Variants in SOX13 observed in about 807,000 individuals in gnomAD.
SOX13 encodes transcription factor SOX-13.
In SOX13, 28 loss-of-function variants were observed where a neutral mutation model predicts 71.8. The observed-to-expected ratio is 0.39, with a 90% confidence interval of 0.29 to 0.53. The LOEUF (loss-of-function observed/expected upper bound fraction) is 0.53, where lower values mean the gene tolerates loss of function less well. Among genes scored for constraint, SOX13 ranks in the 20% least tolerant of loss-of-function variants. SOX13 has a pLI of 0.70. For synonymous variants in SOX13, 309 were observed against 317.8 expected (o/e 0.97, Z 0.29); for missense variants, 627 against 810.3 (o/e 0.77, Z 2.75).
At chr1:204,099,891 C>T (rs1231106834) in intron 1 of SOX13, among the ~76,000 whole-genome samples, 2 of 152,174 alleles carry the variant, frequency 1.3e-5, no homozygotes, top group Non-Finnish European at 1.5e-5. Flanking sequence ...CCTATAACCT[C>T]AGCATTTTGG....
At chr1:204,101,887 T>G (rs958392829) in intron 1 of SOX13, among the ~76,000 whole-genome samples, 7 of 152,234 alleles carry the variant, frequency 4.6e-5, no homozygotes, top group African/African-American at 1.7e-4. Flanking sequence ...GGCACTGGGC[T>G]TTGCCTGTGT....
intron 1 of SOX13, among the ~76,000 whole-genome samples, chr1:204,084,806 A>G (rs901547119): frequency 1.4e-5 from 2 of 145,742 alleles, no homozygotes; most frequent in African/African-American, 5.1e-5. Context: ...TTGTTGCTTG[A>G]GACAGAGGTG....
rs372772226 is a variant in SOX13, at chr1:204,114,620, G to C, written c.418+15G>C. 7 of 1,592,754 alleles carry C rather than the reference G, an allele frequency of 4.4e-6. No homozygotes were observed. Among genetic ancestry groups the C allele is most frequent in the African/African-American group, 4.0e-5 (3 of 74,468 alleles). On this transcript the variant is annotated intron_variant, in intron 4 of 13. Transcript: ENST00000367204. Reference sequence around the variant, plus strand: ...AGATGTCAAAGGTGAAGGCCTGTTGGGGGTGGGGGAGATGTTTGAACCCCA... The same window carrying C: ...AGATGTCAAAGGTGAAGGCCTGTTGCGGGTGGGGGAGATGTTTGAACCCCA...
In SOX13 at chr1:204,121,951, G is replaced by T; in HGVS notation, c.827G>T (p.Arg276Met). The part of the protein sequence containing the change: ...LHSPPAPVVK[R>M]PGAMATHHPL... Reference sequence around the variant, plus strand: ...AGCCCCCCTGCCCCAGTGGTGAAGAGGCCTGGGGCCATGGCCACCCACCAC... The same window carrying T: ...AGCCCCCCTGCCCCAGTGGTGAAGATGCCTGGGGCCATGGCCACCCACCAC... The change falls in exon 8 of 14, where the codon AGG (arginine) becomes ATG (methionine). Residue 276 changes from arginine (R) to methionine (M), a missense_variant. By Grantham distance (91) the Arg-to-Met change is moderately conservative. Transcript: ENST00000367204. 6.2e-7 allele frequency: 1 copy of T among 1,611,940 alleles called. No individual in the cohort carries two copies.
intron 1 of SOX13, among the ~76,000 whole-genome samples, chr1:204,085,933 C>T (rs1656008293): frequency 1.3e-5 from 2 of 148,992 alleles, no homozygotes; most frequent in Non-Finnish European, 3.0e-5. Flanking sequence ...CGTGCCACTG[C>T]ACTTCAGCCT....
intron 1 of SOX13, among the ~76,000 whole-genome samples, chr1:204,090,684 T>TA (rs1656123921): frequency 6.6e-6 from 1 of 152,186 alleles, no homozygotes; most frequent in Non-Finnish European, 1.5e-5. Flanking sequence ...GTGCTGGGAT[T>TA]ACAGGTGTGA....
chr1:204,101,183 C>T (rs892141886), intron 1 of SOX13, among the ~76,000 whole-genome samples: 4 of 152,140 alleles, frequency 2.6e-5, no homozygotes, highest in Non-Finnish European at 4.4e-5. Flanking sequence ...CTTTCTTGTA[C>T]CACTTACCCA....
Position 204,125,878 on chromosome 1 carries a change from A to T in SOX13, c.1613A>T (p.Gln538Leu), listed in dbSNP as rs139806196. The T allele has an allele frequency of 1.4e-5, 22 of 1,612,128 alleles. No homozygotes were observed. The highest frequency in any genetic ancestry group is 3.3e-5 in the Admixed American group (2 of 59,974). ...YVIPPQAGQV[Q>L]MSSSDVLYPR... ...CACAGCCCGCAGGCTGGCCAGGTGC[A>T]GATGAGCTCCTCAGATGTCCTGTAC... Residue 538 changes from glutamine (Q) to leucine (L), a missense_variant, in exon 14 of 14, where the codon CAG (glutamine) becomes CTG (leucine). This residue lies in a region of SOX13 where 148 missense variants were observed against 192.7 expected (regional missense o/e 0.77). Transcript: ENST00000367204.
rs973690946 is a variant in SOX13, at chr1:204,113,075, G to A, written c.160G>A (p.Ala54Thr). 9 of 1,600,890 alleles carry A rather than the reference G, an allele frequency of 5.6e-6. No individual in the cohort carries two copies. The highest frequency in any genetic ancestry group is 6.8e-6 in the Non-Finnish European group (8 of 1,174,340). Residue 54 changes from alanine (A) to threonine (T), a missense_variant, in exon 2 of 14, where the codon GCC (alanine) becomes ACC (threonine). Transcript: ENST00000367204. ...AEPQPGDPARASQDSADPQAP... is the reference protein window; with the variant it reads ...AEPQPGDPARTSQDSADPQAP... ...ACCTCAGCCTGGAGACCCAGCCCGG[G>A]CCTCCCAGGATAGTGCTGACCCCCA... is the stretch of plus-strand genomic sequence containing the variant.
intron 1 of SOX13, among the ~76,000 whole-genome samples, chr1:204,096,238 C>CCTTTTTTT (rs1491344524): frequency 1.6e-5 from 1 of 61,246 alleles, no homozygotes; most frequent in African/African-American, 6.7e-5. Flanking sequence ...TTCTTTCTTT[C>CCTTTTTTT]GTTTTTTTTT....
chr1:204,111,056 C>G (rs1656571085), intron 1 of SOX13, among the ~76,000 whole-genome samples: 1 of 152,136 alleles, frequency 6.6e-6, no homozygotes, highest in Admixed American at 6.5e-5. Flanking sequence ...TCAAACAAGC[C>G]CCCAAGGCAT....
intron 1 of SOX13, among the ~76,000 whole-genome samples, chr1:204,103,783 G>A (rs374925177): frequency 6.1e-4 from 93 of 152,328 alleles, no homozygotes; most frequent in African/African-American, 2.2e-3. Context: ...TTCTAGCACT[G>A]TTGGGGTGCA....
In SOX13 at chr1:204,121,665, G is replaced by A. The variant is rs187502042; in HGVS notation, c.776-235G>A. Among the ~76,000 whole-genome samples, 3 of 152,290 alleles carry A rather than the reference G, an allele frequency of 2.0e-5. No homozygotes were observed. In the East Asian group the frequency reaches 5.8e-4, roughly 29 times the overall value. ...TAGAATCTGGGAAACTCTATTTAGA[G>A]TGGGTTGGGAAGGGCGGGAACCCAG... On this transcript the variant is annotated intron_variant, in intron 7 of 13. Transcript: ENST00000367204.
Position 204,121,938 on chromosome 1 carries a change from C to T in SOX13, c.814C>T (p.Pro272Ser). ...PLQLLHSPPAPVVKRPGAMAT... is the reference protein window; with the variant it reads ...PLQLLHSPPASVVKRPGAMAT... ...GCAGCTGCTGCACAGCCCCCCTGCC[C>T]CAGTGGTGAAGAGGCCTGGGGCCAT... The change falls in exon 8 of 14, where the codon CCA becomes TCA. Residue 272 changes from proline to serine, a missense_variant. This residue lies in a region of SOX13 where 447 missense variants were observed against 532.2 expected (regional missense o/e 0.84). Transcript: ENST00000367204. 6.2e-7 allele frequency: 1 copy of T among 1,613,140 alleles called. No homozygotes were observed. Among genetic ancestry groups the T allele is most frequent in the Non-Finnish European group, 8.5e-7 (1 of 1,179,218 alleles).
intron 1 of SOX13, among the ~76,000 whole-genome samples, chr1:204,109,699 T>TGGTACC (rs1264081865): frequency 2.6e-5 from 4 of 152,214 alleles, no homozygotes; most frequent in African/African-American, 9.6e-5. Flanking sequence ...AGACGGTTGG[T>TGGTACC]TCCAGGACCT....
At chr1:204,111,815 G>T (rs1257762402) in intron 1 of SOX13, among the ~76,000 whole-genome samples, 1 of 151,464 alleles carries the variant, frequency 6.6e-6, no homozygotes, top group Non-Finnish European at 1.5e-5. Context: ...GAGTAACTGG[G>T]ATTACAGGCA....
intron 5 of SOX13, 31 bp from the exon 6 acceptor site, chr1:204,117,091 A>AC (rs772574422): frequency 6.2e-7 from 1 of 1,609,378 alleles, no homozygotes. Context: ...AATGTCCGTG[A>AC]CCCCCTCTGC....
chr1:204,104,201 T>A (rs1003543972), intron 1 of SOX13, among the ~76,000 whole-genome samples: 7 of 152,146 alleles, frequency 4.6e-5, no homozygotes, highest in Non-Finnish European at 8.8e-5. Context: ...TGTTGGCCAC[T>A]CTACCAGGTG....
chr1:204,084,230 G>A (rs1242128360), intron 1 of SOX13, among the ~76,000 whole-genome samples: 1 of 152,198 alleles, frequency 6.6e-6, no homozygotes, highest in Non-Finnish European at 1.5e-5. Context: ...GGCCCTGCCT[G>A]TGGTGTGGTG....
Sources: gnomAD v4.1 joint callset for allele counts (sites outside exome capture counted in the v4.1 genomes callset) on GRCh38, gnomAD v4.1.1 for gene constraint, gnomAD v4.1.1 regional missense constraint, MANE v1.5 for transcripts, NCBI Gene and HGNC (gene_info 2026-07-23, HGNC 2026-07-21) for gene names.